Variants in POLD1 observed in about 807,000 individuals in gnomAD.
POLD1 encodes the protein DNA polymerase delta 1, catalytic subunit, also known as DNA polymerase delta catalytic subunit.
In POLD1, 79 loss-of-function variants were observed where a neutral mutation model predicts 129.7. The observed-to-expected ratio is 0.61, with a 90% CI of 0.51 to 0.73. The LOEUF (loss-of-function observed/expected upper bound fraction) is 0.73. Ranked by LOEUF, POLD1 falls within the 30% of genes least tolerant of loss-of-function variation. POLD1 has a pLI of 0.00. For synonymous variants in POLD1, 714 were observed against 683.3 expected (o/e 1.04, Z -0.70); for missense variants, 1,338 against 1,595.8 (o/e 0.84, Z 2.75).
chr19:50,398,004 T>C (rs1285024815), intron 1 of POLD1, among the ~76,000 whole-genome samples: 1 of 152,130 alleles, frequency 6.6e-6, no homozygotes, highest in Non-Finnish European at 1.5e-5. Context: ...TGCAAGGAAC[T>C]CTCAAATTAC....
chr19:50,393,949 T>G (rs1038780981), intron 1 of POLD1: 19 of 152,168 alleles, frequency 1.2e-4, no homozygotes, highest in Admixed American at 5.9e-4. Context: ...CTCCATCAGT[T>G]CAGAATTTTT....
rs1243185728 is a variant in POLD1 at position 50,417,039 on chromosome 19, C to G, written c.3068-6C>G. 2.6e-6 allele frequency: 4 copies of G among 1,549,734 alleles called. No individual in the cohort carries two copies. In the African/African-American group the frequency reaches 4.1e-5, roughly 16 times the overall value. On this transcript the variant is annotated splice_polypyrimidine_tract_variant and splice_region_variant and intron_variant, in intron 24 of 26. Coordinates refer to ENST00000440232, the MANE Select transcript of POLD1 (RefSeq NM_002691.4). ...CCAGCACTTGGGCTGACCCGCCTCC[C>G]CACAGGAGCCGTGTGTGAGTTCTGC...
rs1051419059 is a variant in POLD1, at chr19:50,409,595, G to A, written c.2083G>A (p.Val695Met). 1.3e-5 allele frequency: 21 copies of A among 1,613,212 alleles called. No individual in the cohort carries two copies. Among genetic ancestry groups the A allele is most frequent in the Non-Finnish European group, 1.7e-5 (20 of 1,179,976 alleles). The change falls in exon 17 of 27, where the codon GTG (valine) becomes ATG (methionine). Residue 695 changes from valine (V) to methionine (M), a missense_variant. Physicochemically the swap from Val to Met is conservative, Grantham distance 21. This residue lies in a region of POLD1 where 720 missense variants were observed against 1,002.6 expected (regional missense o/e 0.72). Coordinates refer to ENST00000440232, the MANE Select transcript of POLD1 (RefSeq NM_002691.4). The surrounding 1 kb of genome is among the most constrained non-coding windows in gnomAD (Gnocchi z 5.8). ...GGATGGACGGCAGCTGGCGCTGAAG[G>A]TGAGCGCCAACTCCGTATACGGCTT... is the stretch of plus-strand genomic sequence containing the variant. ...VLDGRQLALKVSANSVYGFTG... is the reference protein window; with the variant it reads ...VLDGRQLALKMSANSVYGFTG...
chr19:50,398,336 C>T (rs2038445470), intron 1 of POLD1, among the ~76,000 whole-genome samples: 1 of 152,018 alleles, frequency 6.6e-6, no homozygotes, highest in Non-Finnish European at 1.5e-5. Context: ...CTTTGGGAGG[C>T]TGAGGCGAGT....
chr19:50,393,499 G>A (rs974575505), intron 1 of POLD1, among the ~76,000 whole-genome samples: 5 of 151,970 alleles, frequency 3.3e-5, no homozygotes, highest in South Asian at 2.1e-4. Flanking sequence ...GGCAAAACCC[G>A]TCTTTACCAA....
At chr19:50,395,094 C>G (rs1178980863) in intron 1 of POLD1, 2 of 151,032 alleles carry the variant, frequency 1.3e-5, no homozygotes, top group Non-Finnish European at 2.9e-5. Flanking sequence ...CCACCCGCCT[C>G]GGCCTCTCAA....
At chr19:50,403,285 T>C in intron 9 of POLD1, 66 bp downstream of exon 9, 1 of 1,456,132 alleles carries the variant, frequency 6.9e-7, no homozygotes, top group Non-Finnish European at 9.3e-7. Context: ...TCCTGAGCCA[T>C]CAGCTCCTGG....
intron 17 of POLD1, among the ~76,000 whole-genome samples, chr19:50,412,611 CA>C (rs2039123897): frequency 6.6e-6 from 1 of 152,182 alleles, no homozygotes; most frequent in Admixed American, 6.5e-5. Flanking sequence ...TGTAAATGGA[CA>C]AAATGCTCTA....
Position 50,406,634 on chromosome 19 carries a change from A to G in POLD1, c.1494+117A>G, listed in dbSNP as rs1339256706. The G allele has an allele frequency of 1.3e-6, 1 of 773,836 alleles. No individual in the cohort carries two copies. Among genetic ancestry groups the G allele is most frequent in the Non-Finnish European group, 2.2e-6 (1 of 459,192 alleles). The allele number at this position is 773,836 out of a possible 1,614,324, so 47.9% of individuals were successfully genotyped here. ...TGACCTCACTCTTTGACCTGCTGTTATGACCTGTGACCTTACCTGACGCCC... is the reference window on the plus strand; with the variant it reads ...TGACCTCACTCTTTGACCTGCTGTTGTGACCTGTGACCTTACCTGACGCCC... On this transcript the variant is annotated intron_variant, in intron 12 of 26. Coordinates refer to ENST00000440232, the MANE Select transcript of POLD1 (RefSeq NM_002691.4). This position sits in a 1 kb window ranked among gnomAD's most constrained non-coding sequence, Gnocchi z 5.5.
chr19:50,415,853 C>A, intron 22 of POLD1, 27 bp downstream of exon 22: 2 of 1,397,888 alleles, frequency 1.4e-6, no homozygotes, highest in East Asian at 2.5e-5. Context: ...TGCCTGCTCC[C>A]GCCCAGCCCC....
rs1176384728 is a variant in POLD1 at position 50,403,042 on chromosome 19, C to T, written c.971-11C>T. 16 of 1,554,248 alleles carry T rather than the reference C, an allele frequency of 1.0e-5. No homozygotes were observed. The East Asian group carries it at 3.9e-4, about 38-fold the overall frequency. On this transcript the variant is annotated splice_polypyrimidine_tract_variant and intron_variant, in intron 8 of 26. Transcript: ENST00000440232. ...GCAGGAGTCAGGCCCCTGCATCCTC[C>T]TGCCTCGCAGGCATCTTCCCTGAGC...
At chr19:50,401,353 ATTTG>A (rs2038597757) in intron 3 of POLD1, among the ~76,000 whole-genome samples, 1 of 93,554 alleles carries the variant, frequency 1.1e-5, no homozygotes, top group South Asian at 3.3e-4. Flanking sequence ...ATGTGTGTGT[ATTTG>A]TGTATATGTG....
chr19:50,416,227 CTG>C (rs1165707360), intron 22 of POLD1, 167 bp from the exon 23 acceptor site: 15 of 652,280 alleles, frequency 2.3e-5, no homozygotes, highest in South Asian at 1.3e-4. Flanking sequence ...CCTACAGACT[CTG>C]TGGCCCAGAG....
At chr19:50,394,761 G>A (rs1243311868) in intron 1 of POLD1, among the ~76,000 whole-genome samples, 2 of 152,148 alleles carry the variant, frequency 1.3e-5, no homozygotes, top group East Asian at 1.9e-4. Flanking sequence ...CTTCCCAGCC[G>A]CATCTAGGAT....
At chr19:50,391,869 T>C (rs1453709725) in intron 1 of POLD1, among the ~76,000 whole-genome samples, 1 of 152,108 alleles carries the variant, frequency 6.6e-6, no homozygotes, top group East Asian at 1.9e-4. Flanking sequence ...CCCGCCACCA[T>C]GACAAGCTAA....
rs1555791780 is a variant in POLD1, at chr19:50,408,819, T to G, written c.1810T>G (p.Ser604Ala). The change falls in exon 15 of 27, where the codon TCC becomes GCC. Residue 604 changes from serine (S) to alanine (A), a missense_variant. This residue lies in a region of POLD1 where 720 missense variants were observed against 1,002.6 expected (regional missense o/e 0.72). Coordinates refer to ENST00000440232, the MANE Select transcript of POLD1 (RefSeq NM_002691.4). ...YDVPIATLDF[S>A]SLYPSIMMAH... ...CGTCCCCATCGCCACCCTGGACTTC[T>G]CCTCGCTGTACCCGTCCATCATGAT... The G allele has an allele frequency of 6.2e-7, 1 of 1,613,990 alleles. No homozygotes were observed. Among genetic ancestry groups the G allele is most frequent in the Non-Finnish European group, 8.5e-7 (1 of 1,179,990 alleles).
chr19:50,413,342 A>G, intron 17 of POLD1, 84 bp from the exon 18 acceptor site: 1 of 1,115,164 alleles, frequency 9.0e-7, no homozygotes, highest in Non-Finnish European at 1.3e-6. Context: ...GGGAAATGGC[A>G]GAGGCGGGAC....
At position 50,403,602 on chromosome 19, in the gene POLD1, G is replaced by A. The variant is rs759947888; in HGVS notation, c.1242+5G>A. 6.3e-7 allele frequency: 1 copy of A among 1,592,750 alleles called. No individual in the cohort carries two copies. The highest frequency in any genetic ancestry group is 8.6e-7 in the Non-Finnish European group (1 of 1,160,482). On this transcript the variant is annotated splice_donor_5th_base_variant and intron_variant, in intron 10 of 26. Transcript: ENST00000440232. ...TCTCGGGCCCAGACCCTCAAGGTGA[G>A]GGCTGGGCAGGTGGGAGGCTTCTCT...
At chr19:50,390,230 CTTTTCT>C (rs998348236) in intron 1 of POLD1, among the ~76,000 whole-genome samples, 14 of 149,538 alleles carry the variant, frequency 9.4e-5, no homozygotes, top group African/African-American at 3.5e-4. Context: ...TTTTTCTTTT[CTTTTCT>C]TTTTTTTTTT....
Sources: gnomAD v4.1 joint callset for allele counts (sites outside exome capture counted in the v4.1 genomes callset) on GRCh38, gnomAD v4.1.1 for gene constraint, gnomAD v4.1.1 regional missense constraint, Gnocchi (gnomAD v3.1) non-coding constraint, MANE v1.5 for transcripts, NCBI Gene and HGNC (gene_info 2026-07-23, HGNC 2026-07-21) for gene names.